Variants in TENM3 observed in about 807,000 individuals in gnomAD.
TENM3 encodes teneurin transmembrane protein 3.
In TENM3, 63 loss-of-function variants were observed where a neutral mutation model predicts 255.1. That is an observed-to-expected ratio of 0.25 (90% CI 0.20 to 0.30). TENM3 has a LOEUF of 0.30. Ranked by LOEUF, TENM3 falls within the 10% of genes least tolerant of loss-of-function variation. The pLI, the probability that TENM3 is intolerant of heterozygous loss-of-function variation, is 1.00. For missense variants in TENM3, 2,929 were observed against 3,461.1 expected (o/e 0.85, Z 3.86); for synonymous variants, 1,306 against 1,322.3 (o/e 0.99, Z 0.27).
rs1443351077 is a variant in TENM3, at chr4:182,515,275, G to A, written c.512-85649G>A. 4.6e-5 allele frequency among the ~76,000 whole-genome samples: 7 copies of A among 152,210 alleles called. No individual in the cohort carries two copies. In the East Asian group the frequency reaches 1.2e-3, roughly 25 times the overall value. ...GGTGACAGTCACTAAGTGAGGCGCA[G>A]AAAAAATCCAAGTGAAAACTTTGGA... On this transcript the variant is annotated intron_variant, in intron 3 of 27. Coordinates refer to ENST00000511685, the MANE Select transcript of TENM3 (RefSeq NM_001080477.4).
At chr4:181,508,150 T>C in the TENM3 span, among the ~76,000 whole-genome samples, 108,378 of 152,080 alleles carry the variant, frequency 0.71, 38,765 homozygotes, top group South Asian at 0.81. Flanking sequence ...GAGAGGTAGC[T>C]TACTCCCATG....
chr4:182,458,315 T>G (rs1774032233), intron 3 of TENM3, among the ~76,000 whole-genome samples: 2 of 152,256 alleles, frequency 1.3e-5, no homozygotes, highest in East Asian at 1.9e-4. Flanking sequence ...TAAAGGCTAT[T>G]AACACATCAG....
At chr4:181,995,766 G>T in the TENM3 span, among the ~76,000 whole-genome samples, 2 of 152,092 alleles carry the variant, frequency 1.3e-5, no homozygotes, top group African/African-American at 4.8e-5. Context: ...ACCATAATTA[G>T]ATCCACTTTG....
the TENM3 span, among the ~76,000 whole-genome samples, chr4:181,520,496 G>C: frequency 1.3e-5 from 2 of 151,986 alleles, no homozygotes; most frequent in Non-Finnish European, 2.9e-5. Flanking sequence ...AGACAGTTTT[G>C]TAACAATTAG....
intron 3 of TENM3, among the ~76,000 whole-genome samples, chr4:182,600,612 G>A (rs1747730870): frequency 6.6e-6 from 1 of 152,054 alleles, no homozygotes; most frequent in Admixed American, 6.6e-5. Flanking sequence ...GGAGCTGTCA[G>A]ATGCTGTTTT....
chr4:182,299,025 G>GAGGTAAT (rs1323880572), intron 1 of TENM3, among the ~76,000 whole-genome samples: 4 of 82,540 alleles, frequency 4.8e-5, no homozygotes, highest in African/African-American at 7.2e-5. Context: ...AAGAGGTAAT[G>GAGGTAAT]GACTGGCCAC....
the TENM3 span, among the ~76,000 whole-genome samples, chr4:181,608,650 G>A: frequency 2.0e-5 from 3 of 151,896 alleles, no homozygotes; most frequent in African/African-American, 7.3e-5. Context: ...AAGAACTGAA[G>A]TAAATTAGCA....
the TENM3 span, among the ~76,000 whole-genome samples, chr4:182,064,298 G>T: frequency 2.5e-4 from 38 of 152,140 alleles, no homozygotes; most frequent in African/African-American, 8.7e-4. Flanking sequence ...AGAAATTTGG[G>T]CTGGGCGCGG....
intron 1 of TENM3, among the ~76,000 whole-genome samples, chr4:182,151,077 G>A (rs1199190868): frequency 3.3e-5 from 5 of 152,122 alleles, no homozygotes; most frequent in Admixed American, 6.6e-5. Context: ...CAATAGGGGC[G>A]TTTCCAAAGA....
chr4:181,621,992 C>T, the TENM3 span, among the ~76,000 whole-genome samples: 11 of 152,232 alleles, frequency 7.2e-5, no homozygotes, highest in East Asian at 1.4e-3. Context: ...CAATAACTTC[C>T]GGTAAAATCT....
the TENM3 span, among the ~76,000 whole-genome samples, chr4:181,729,231 C>T: frequency 6.6e-6 from 1 of 152,072 alleles, no homozygotes; most frequent in Non-Finnish European, 1.5e-5. Context: ...AATATTATTT[C>T]TGGAAGAGGT....
the TENM3 span, among the ~76,000 whole-genome samples, chr4:181,605,568 A>AAGAAAGGGAG: frequency 1.9e-4 from 8 of 42,202 alleles, 1 homozygote; most frequent in African/African-American, 6.0e-4. Context: ...GAAAGAAAGA[A>AAGAAAGGGAG]AGAGAGAGAA....
At position 182,800,608 on chromosome 4, in the gene TENM3, A is replaced by C; in HGVS notation, c.*257A>C. Reference sequence around the variant, plus strand: ...AACGTAGCCAGAGGAAAAAAAAATCATCAAGGACAAAGGCCTCGACCTGTT... The same window carrying C: ...AACGTAGCCAGAGGAAAAAAAAATCCTCAAGGACAAAGGCCTCGACCTGTT... On this transcript the variant is annotated 3_prime_UTR_variant, in exon 28 of 28. Transcript: ENST00000511685. 1 of 380,668 alleles carries C rather than the reference A, an allele frequency of 2.6e-6. No individual in the cohort carries two copies. The highest frequency in any genetic ancestry group is 4.7e-6 in the Non-Finnish European group (1 of 211,828). The allele number at this position is 380,668 out of a possible 1,614,324, so 23.6% of individuals were successfully genotyped here.
chr4:181,586,076 T>G, the TENM3 span, among the ~76,000 whole-genome samples: 1 of 152,192 alleles, frequency 6.6e-6, no homozygotes, highest in African/African-American at 2.4e-5. Context: ...AAAGTAATTA[T>G]TTCTTTGCAT....
chr4:182,241,402 C>T (rs187124024), upstream of TENM3, among the ~76,000 whole-genome samples: 17 of 152,240 alleles, frequency 1.1e-4, no homozygotes, highest in East Asian at 3.3e-3. Flanking sequence ...GTGGTGCCCC[C>T]TCTACCTGGG....
chr4:181,488,060 G>C, the TENM3 span, among the ~76,000 whole-genome samples: 1 of 152,142 alleles, frequency 6.6e-6, no homozygotes, highest in South Asian at 2.1e-4. Context: ...AGATTCTAGA[G>C]GGAAGGTTGT....
chr4:182,733,888 G>A (rs1760968744), intron 16 of TENM3, among the ~76,000 whole-genome samples: 1 of 152,110 alleles, frequency 6.6e-6, no homozygotes, highest in South Asian at 2.1e-4. Flanking sequence ...TCTGTCTGTA[G>A]GTGCCAAATT....
chr4:182,461,651 CCTA>C (rs1162531141), intron 3 of TENM3, among the ~76,000 whole-genome samples: 1 of 152,148 alleles, frequency 6.6e-6, no homozygotes, highest in Non-Finnish European at 1.5e-5. Flanking sequence ...TTGGACTCTT[CCTA>C]CTATTACTTT....
the TENM3 span, among the ~76,000 whole-genome samples, chr4:181,589,923 C>T: frequency 6.6e-5 from 10 of 152,264 alleles, no homozygotes; most frequent in South Asian, 2.1e-4. Flanking sequence ...CCTGCTTTTA[C>T]GAAACAGAAG....
Sources: gnomAD v4.1 joint callset for allele counts (sites outside exome capture counted in the v4.1 genomes callset) on GRCh38, gnomAD v4.1.1 for gene constraint, MANE v1.5 for transcripts, NCBI Gene and HGNC (gene_info 2026-07-23, HGNC 2026-07-21) for gene names.